EBF2: variants seen among roughly 807,000 people sequenced by gnomAD.
EBF2 encodes the protein EBF transcription factor 2, also known as transcription factor COE2.
A neutral mutation model predicts 72.8 loss-of-function variants in EBF2; 21 were observed. The observed-to-expected ratio is 0.29, with a 90% confidence interval of 0.20 to 0.42. The LOEUF is 0.42. Ranked by LOEUF, EBF2 falls within the 10% of genes least tolerant of loss-of-function variation. EBF2 has a pLI of 1.00. For missense variants in EBF2, 637 were observed against 731.2 expected (o/e 0.87, Z 1.49); for synonymous variants, 299 against 274.2 (o/e 1.09, Z -0.89).
intron 15 of EBF2, among the ~76,000 whole-genome samples, chr8:25,845,813 G>T (rs1340607991): frequency 6.6e-6 from 1 of 152,156 alleles, no homozygotes; most frequent in African/African-American, 2.4e-5. Flanking sequence ...TCTAGAATTT[G>T]ATCCTTTGCA....
intron 6 of EBF2, among the ~76,000 whole-genome samples, chr8:25,932,496 A>G (rs1165164563): frequency 6.6e-6 from 1 of 152,102 alleles, no homozygotes; most frequent in African/African-American, 2.4e-5. Context: ...TTGTGTGTTT[A>G]TTAAAAATAA....
intron 7 of EBF2, among the ~76,000 whole-genome samples, chr8:25,890,235 T>C (rs1203920051): frequency 6.6e-6 from 1 of 152,212 alleles, no homozygotes; most frequent in Non-Finnish European, 1.5e-5. Context: ...AGCTGAGATC[T>C]ATACGCCAGC....
chr8:25,877,060 T>A (rs1802533416), intron 10 of EBF2, among the ~76,000 whole-genome samples: 1 of 152,182 alleles, frequency 6.6e-6, no homozygotes, highest in African/African-American at 2.4e-5. Context: ...CTGTGCTCAT[T>A]TACCCCCATG....
At position 26,045,276 on chromosome 8, in the gene EBF2, G is replaced by GAA. The variant is rs4055794; in HGVS notation, c.-419_-418dup. On this transcript the variant is annotated 5_prime_UTR_variant, in exon 1 of 16. Coordinates refer to ENST00000520164, the MANE Select transcript of EBF2 (RefSeq NM_022659.4). ...TGCTCCTCCCCACCGTTCCAATTTA[G>GAA]AAAAAAAAAAAATCCCCAACAGGAT... The GAA allele has an allele frequency of 0.26, 38,044 of 145,832 alleles. 5,015 individuals carry two copies. Among genetic ancestry groups the GAA allele is most frequent in the East Asian group, 0.35 (1,753 of 5,000 alleles). The allele number at this position is 145,832 out of a possible 1,614,324, so 9.0% of individuals were successfully genotyped here. A position where few individuals can be genotyped will look rare whatever the true frequency, so the allele number is the denominator to read the frequency against.
intron 6 of EBF2, among the ~76,000 whole-genome samples, chr8:25,926,274 C>A (rs1021913248): frequency 6.6e-6 from 1 of 152,220 alleles, no homozygotes; most frequent in African/African-American, 2.4e-5. Context: ...GCCCTGAATC[C>A]AAGGCAGGCT....
chr8:25,917,837 A>G (rs1803250312), intron 6 of EBF2, among the ~76,000 whole-genome samples: 1 of 151,978 alleles, frequency 6.6e-6, no homozygotes, highest in Non-Finnish European at 1.5e-5. Context: ...TTACACCCAG[A>G]GCCCTTTGCT....
At chr8:25,847,879 C>CCAAA (rs1380816647) in intron 15 of EBF2, among the ~76,000 whole-genome samples, 26 of 152,224 alleles carry the variant, frequency 1.7e-4, no homozygotes, top group African/African-American at 5.5e-4. Context: ...CCGACCTACT[C>CCAAA]CAAACATTTT....
intron 14 of EBF2, among the ~76,000 whole-genome samples, chr8:25,853,299 A>AG (rs1364770189): frequency 1.3e-5 from 2 of 152,224 alleles, no homozygotes; most frequent in Admixed American, 1.3e-4. Context: ...ATACTTATTT[A>AG]GATATGTTCA....
intron 10 of EBF2, among the ~76,000 whole-genome samples, chr8:25,882,353 A>G (rs891940518): frequency 6.6e-6 from 1 of 151,928 alleles, no homozygotes; most frequent in African/African-American, 2.4e-5. Context: ...TAAATAATAA[A>G]CCACTTTTTG....
chr8:25,866,619 T>TTA (rs377309056), intron 10 of EBF2, among the ~76,000 whole-genome samples: 90 of 117,314 alleles, frequency 7.7e-4, no homozygotes, highest in South Asian at 1.2e-3. Context: ...TTATATTATA[T>TTA]TATATATATA....
At chr8:25,939,010 G>A (rs925595536) in intron 6 of EBF2, among the ~76,000 whole-genome samples, 2 of 151,994 alleles carry the variant, frequency 1.3e-5, no homozygotes, top group African/African-American at 4.8e-5. Flanking sequence ...TAGGAAATGG[G>A]ACAGTCTCTC....
chr8:26,027,997 A>C (rs1331481231), intron 6 of EBF2, among the ~76,000 whole-genome samples: 1 of 152,218 alleles, frequency 6.6e-6, no homozygotes, highest in Non-Finnish European at 1.5e-5. Flanking sequence ...CAGTGGGTAC[A>C]GAGTTTTAGT....
intron 6 of EBF2, among the ~76,000 whole-genome samples, chr8:25,947,872 C>T (rs190181180): frequency 6.6e-5 from 10 of 152,328 alleles, no homozygotes; most frequent in South Asian, 2.1e-4. Flanking sequence ...CTTATAAATT[C>T]GGGGCAGACC....
chr8:25,988,822 A>G (rs1804500671), intron 6 of EBF2, among the ~76,000 whole-genome samples: 1 of 152,240 alleles, frequency 6.6e-6, no homozygotes, highest in Non-Finnish European at 1.5e-5. Context: ...ATTTGCCCCA[A>G]GTCGCATAAC....
chr8:25,857,845 T>A (rs1802125430), intron 14 of EBF2, among the ~76,000 whole-genome samples: 1 of 152,234 alleles, frequency 6.6e-6, no homozygotes, highest in African/African-American at 2.4e-5. Context: ...TCATCAGGAC[T>A]GTGCCTAAAT....
At chr8:25,891,508 A>G (rs1203999268) in intron 7 of EBF2, among the ~76,000 whole-genome samples, 1 of 152,114 alleles carries the variant, frequency 6.6e-6, no homozygotes, top group Non-Finnish European at 1.5e-5. Context: ...CCAAATTAAA[A>G]CAGTTGATAT....
chr8:25,874,566 C>T (rs1281352600), intron 10 of EBF2, among the ~76,000 whole-genome samples: 1 of 152,170 alleles, frequency 6.6e-6, no homozygotes, highest in Non-Finnish European at 1.5e-5. Context: ...CAAGCACCTA[C>T]TCTGCATGTA....
chr8:25,981,283 T>G (rs1804357244), intron 6 of EBF2, among the ~76,000 whole-genome samples: 1 of 152,124 alleles, frequency 6.6e-6, no homozygotes, highest in African/African-American at 2.4e-5. Context: ...TTGGCCAGAT[T>G]CCTGCCCCCA....
At chr8:26,001,232 C>T (rs534569630) in intron 6 of EBF2, among the ~76,000 whole-genome samples, 2 of 152,098 alleles carry the variant, frequency 1.3e-5, no homozygotes, top group African/African-American at 4.8e-5. Flanking sequence ...AAGGGACATA[C>T]AGTCTGTGTC....
Sources: allele counts gnomAD v4.1 joint callset (sites outside exome capture counted in the v4.1 genomes callset), GRCh38; gene constraint gnomAD v4.1.1; transcripts MANE v1.5; gene names NCBI Gene and HGNC (gene_info 2026-07-23, HGNC 2026-07-21).